Variants in OPCML observed in about 807,000 individuals in gnomAD.
The protein encoded by OPCML is opioid-binding protein/cell adhesion molecule.
OPCML carries 13 observed loss-of-function variants against 37.8 expected under a neutral mutation model. That is an observed-to-expected ratio of 0.34 (90% CI 0.22 to 0.55). OPCML has a LOEUF of 0.55. OPCML is among the 20% of genes least tolerant of loss of function. The pLI, the probability that OPCML is intolerant of heterozygous loss-of-function variation, is 0.91. For synonymous variants in OPCML, 176 were observed against 168.8 expected (o/e 1.04, Z -0.33); for missense variants, 341 against 435.6 (o/e 0.78, Z 1.93).
chr11:133,401,061 T>A (rs1945394111), intron 1 of OPCML, among the ~76,000 whole-genome samples: 1 of 152,176 alleles, frequency 6.6e-6, no homozygotes, highest in South Asian at 2.1e-4. Flanking sequence ...ATAGCAGCAA[T>A]TTCCCCAAGT....
In OPCML at chr11:132,441,158, C is replaced by CTTTTTTTTTTTTTTTTTTTT. The variant is rs749099654; in HGVS notation, c.506-3800_506-3799insAAAAAAAAAAAAAAAAAAAA. 1.0e-3 allele frequency among the ~76,000 whole-genome samples: 111 copies of CTTTTTTTTTTTTTTTTTTTT among 108,030 alleles called. 9 individuals carry two copies. The highest frequency in any genetic ancestry group is 2.5e-3 in the African/African-American group (57 of 22,752). 70.9% of individuals were successfully genotyped at this position (108,030 alleles called of 152,430 possible). On this transcript the variant is annotated intron_variant, in intron 4 of 7. Coordinates refer to ENST00000524381, the MANE Select transcript of OPCML (RefSeq NM_001012393.5). ...ATTCTGAAGATGTGTTCACCAAGGA[C>CTTTTTTTTTTTTTTTTTTTT]TTTTTTGTTTTTTTTTTTTTTTTTT...
intron 2 of OPCML, among the ~76,000 whole-genome samples, chr11:132,846,819 A>G (rs1941561311): frequency 6.6e-6 from 1 of 152,204 alleles, no homozygotes; most frequent in South Asian, 2.1e-4. Context: ...CCTACTTGGG[A>G]GAGCTCTGTA....
Position 133,347,731 on chromosome 11 carries a change from C to G in OPCML, c.61+184533G>C, listed in dbSNP as rs12574751. ...TTTTCTTGACTCGGAAAGGAAAGCT[C>G]CTGCTGGCCAAATTCTCCTTCACCT... On this transcript the variant is annotated intron_variant, in intron 1 of 7. Transcript: ENST00000524381. Among the ~76,000 whole-genome samples, 256 of 152,266 alleles carry G rather than the reference C, an allele frequency of 1.7e-3. 3 individuals are homozygous for G. The East Asian group carries it at 0.031, about 18-fold the overall frequency.
At chr11:132,475,866 A>G (rs986046605) in intron 4 of OPCML, among the ~76,000 whole-genome samples, 3 of 152,184 alleles carry the variant, frequency 2.0e-5, no homozygotes, top group Admixed American at 6.5e-5. Context: ...ATGAACAGGT[A>G]TATATACAGA....
intron 2 of OPCML, among the ~76,000 whole-genome samples, chr11:132,737,852 G>A (rs1238655627): frequency 6.6e-6 from 1 of 152,204 alleles, no homozygotes; most frequent in Non-Finnish European, 1.5e-5. Flanking sequence ...GAGAAAGAGA[G>A]TTGGGCAACC....
At chr11:133,162,041 A>G (rs1432236520) in intron 1 of OPCML, among the ~76,000 whole-genome samples, 1 of 88,990 alleles carries the variant, frequency 1.1e-5, no homozygotes, top group Middle Eastern at 0.011. Flanking sequence ...GATCTTTTGT[A>G]TTGACCACTT....
chr11:132,680,953 T>G (rs953174694), intron 2 of OPCML, among the ~76,000 whole-genome samples: 1 of 152,136 alleles, frequency 6.6e-6, no homozygotes, highest in Non-Finnish European at 1.5e-5. Flanking sequence ...AGCGTGGTGT[T>G]GGTGATGGTA....
intron 1 of OPCML, among the ~76,000 whole-genome samples, chr11:133,149,464 G>A (rs771900265): frequency 8.5e-5 from 13 of 152,250 alleles, no homozygotes; most frequent in African/African-American, 2.2e-4. Context: ...AAAGTAAAAC[G>A]AAGTTAATTT....
intron 4 of OPCML, among the ~76,000 whole-genome samples, chr11:132,442,964 G>A (rs1029263411): frequency 6.6e-6 from 1 of 152,144 alleles, no homozygotes; most frequent in African/African-American, 2.4e-5. Flanking sequence ...TTCACAGTAT[G>A]CAAAAACAAA....
intron 2 of OPCML, among the ~76,000 whole-genome samples, chr11:132,840,171 C>T (rs1159675923): frequency 6.6e-6 from 1 of 152,070 alleles, no homozygotes; most frequent in Non-Finnish European, 1.5e-5. Context: ...AGCCACAGAG[C>T]CTGACACAAA....
At chr11:132,862,482 G>GAA (rs11387928) in intron 2 of OPCML, among the ~76,000 whole-genome samples, 99 of 127,970 alleles carry the variant, frequency 7.7e-4, no homozygotes, top group Admixed American at 1.1e-3. Context: ...TCATCTATAC[G>GAA]AAAAAAAAAA....
intron 2 of OPCML, among the ~76,000 whole-genome samples, chr11:132,902,141 C>T (rs1024080635): frequency 2.6e-5 from 4 of 152,174 alleles, no homozygotes; most frequent in Non-Finnish European, 5.9e-5. Flanking sequence ...AAATCAAGCT[C>T]GGGGTCCAGG....
chr11:133,283,950 C>T (rs546893304), intron 1 of OPCML, among the ~76,000 whole-genome samples: 36 of 152,158 alleles, frequency 2.4e-4, no homozygotes, highest in Non-Finnish European at 4.8e-4. Flanking sequence ...ATCGCTTCCC[C>T]CCCCAGTACC....
chr11:132,801,612 A>G (rs1387912458), intron 2 of OPCML, among the ~76,000 whole-genome samples: 1 of 152,256 alleles, frequency 6.6e-6, no homozygotes, highest in Non-Finnish European at 1.5e-5. Flanking sequence ...GTACTAAAAG[A>G]AATCTCTGAA....
chr11:133,084,073 T>G (rs893914414), intron 1 of OPCML, among the ~76,000 whole-genome samples: 3 of 152,230 alleles, frequency 2.0e-5, no homozygotes, highest in Non-Finnish European at 4.4e-5. Context: ...TTGACATTTT[T>G]TTTTTAACTG....
intron 1 of OPCML, among the ~76,000 whole-genome samples, chr11:132,955,251 TC>T (rs1165839309): frequency 6.6e-6 from 1 of 152,128 alleles, no homozygotes; most frequent in African/African-American, 2.4e-5. Context: ...GGTGAAGAGC[TC>T]CTTCAAGGTG....
intron 1 of OPCML, among the ~76,000 whole-genome samples, chr11:133,058,955 C>T (rs1443842312): frequency 6.6e-6 from 1 of 152,216 alleles, no homozygotes; most frequent in Non-Finnish European, 1.5e-5. Context: ...GGGCTGGTAA[C>T]TAAACCAGAA....
intron 1 of OPCML, among the ~76,000 whole-genome samples, chr11:133,295,409 A>G (rs372139452): frequency 6.6e-6 from 1 of 152,162 alleles, no homozygotes; most frequent in African/African-American, 2.4e-5. Context: ...CTTTACACCG[A>G]TCTGAACTTT....
chr11:133,487,775 T>TTG (rs10625092), intron 1 of OPCML, among the ~76,000 whole-genome samples: 28,924 of 147,290 alleles, frequency 0.2, 2,892 homozygotes, highest in Admixed American at 0.27. Context: ...TACTCTGTGT[T>TTG]TGTGTGTGTG....
Sources: allele counts gnomAD v4.1 joint callset (sites outside exome capture counted in the v4.1 genomes callset), GRCh38; gene constraint gnomAD v4.1.1; transcripts MANE v1.5; gene names NCBI Gene and HGNC (gene_info 2026-07-23, HGNC 2026-07-21).